HDGFL2: variants seen among roughly 807,000 people sequenced by gnomAD.
The protein encoded by HDGFL2 is hepatoma-derived growth factor-related protein 2.
Under a neutral mutation model 77.1 loss-of-function variants are expected in HDGFL2, and 36 were observed. That is an observed-to-expected ratio of 0.47 (90% CI 0.36 to 0.62). HDGFL2 has a LOEUF of 0.62. HDGFL2 is among the 20% of genes least tolerant of loss of function. The probability of loss-of-function intolerance (pLI) is 0.00; values close to 1 mark genes in which losing one functional copy is unlikely to be tolerated. For synonymous variants in HDGFL2, 463 were observed against 413.1 expected, an observed-to-expected ratio of 1.12 and a Z score of -1.46; for missense variants, 976 against 973.4, an observed-to-expected ratio of 1.00 and a Z score of -0.04.
chr19:4,493,254 CTGTGTG>C (rs1193107103), intron 6 of HDGFL2, among the ~76,000 whole-genome samples: 3 of 89,304 alleles, frequency 3.4e-5, no homozygotes, highest in Non-Finnish European at 6.5e-5. Context: ...TGTGTGTTGT[CTGTGTG>C]TGTGTGTGGT....
chr19:4,489,266 T>G (rs1975446175), intron 4 of HDGFL2, among the ~76,000 whole-genome samples: 1 of 151,258 alleles, frequency 6.6e-6, no homozygotes, highest in Non-Finnish European at 1.5e-5. Flanking sequence ...TTTCTTTTTT[T>G]TTTTTTGAGA....
intron 8 of HDGFL2, 33 bp downstream of exon 8, chr19:4,494,090 C>T (rs771555410): frequency 6.5e-6 from 10 of 1,547,320 alleles, no homozygotes; most frequent in Admixed American, 4.0e-5. Context: ...CCTCTGGCGG[C>T]TCCTCCATCG....
chr19:4,498,156 G>A, intron 11 of HDGFL2, 125 bp downstream of exon 11: 1 of 1,191,662 alleles, frequency 8.4e-7, no homozygotes, highest in Admixed American at 2.1e-5. Flanking sequence ...CGGCCGGCCT[G>A]GCCGGCGGTG....
chr19:4,488,106 G>A (rs1424213644), intron 3 of HDGFL2, among the ~76,000 whole-genome samples: 2 of 152,040 alleles, frequency 1.3e-5, no homozygotes, highest in African/African-American at 4.8e-5. Context: ...GAGTAGCTGG[G>A]ATTACAGGCG....
At chr19:4,476,899 C>T (rs1372225382) in intron 3 of HDGFL2, among the ~76,000 whole-genome samples, 1 of 151,574 alleles carries the variant, frequency 6.6e-6, no homozygotes, top group Non-Finnish European at 1.5e-5. Context: ...AGGCTGGGGG[C>T]CGGGGTTAGT....
intron 1 of HDGFL2, among the ~76,000 whole-genome samples, chr19:4,472,968 C>T (rs1002043778): frequency 6.7e-6 from 1 of 149,754 alleles, no homozygotes; most frequent in Non-Finnish European, 1.5e-5. Context: ...GAGAGACTCT[C>T]GCCCTTGGTG....
At chr19:4,500,712 C>G (rs542652348) in intron 14 of HDGFL2, among the ~76,000 whole-genome samples, 1 of 152,180 alleles carries the variant, frequency 6.6e-6, no homozygotes, top group South Asian at 2.1e-4. Flanking sequence ...CCGCCCTCCT[C>G]GGCCTCCCAA....
At chr19:4,497,842 C>A in intron 10 of HDGFL2, 116 bp from the exon 11 acceptor site, 1 of 906,214 alleles carries the variant, frequency 1.1e-6, no homozygotes, top group Non-Finnish European at 1.7e-6. Context: ...GCTTAGCTCC[C>A]AGGGCCTCCC....
chr19:4,489,152 C>G (rs2145186881), intron 4 of HDGFL2, among the ~76,000 whole-genome samples: 1 of 151,978 alleles, frequency 6.6e-6, no homozygotes, highest in East Asian at 1.9e-4. Context: ...CGGGGATTCA[C>G]CAGGTCCCCA....
chr19:4,502,184 A>G lies in HDGFL2; in HGVS notation c.*174A>G, dbSNP rs768644291. On this transcript the variant is annotated 3_prime_UTR_variant, in exon 16 of 16. Coordinates refer to ENST00000616600, the MANE Select transcript of HDGFL2 (RefSeq NM_001001520.3). ...GATTTCCAACCAACATGAAATGACT[A>G]TAAATGGTTTTTTAATGAAAAAAGA... The G allele has an allele frequency of 3.4e-4, 234 of 679,064 alleles. No homozygotes were observed. The highest frequency in any genetic ancestry group is 5.4e-4 in the Non-Finnish European group (204 of 380,966). 42.1% of individuals were successfully genotyped at this position (679,064 alleles called of 1,614,324 possible). A position where few individuals can be genotyped will look rare whatever the true frequency, so the allele number is the denominator to read the frequency against.
intron 13 of HDGFL2, 75 bp downstream of exon 13, chr19:4,498,990 C>T: frequency 9.6e-7 from 1 of 1,046,032 alleles, no homozygotes; most frequent in South Asian, 1.4e-5. Flanking sequence ...GAGCCCAGGC[C>T]CCCAGCAGGT....
intron 1 of HDGFL2, among the ~76,000 whole-genome samples, chr19:4,474,024 C>G (rs932752670): frequency 1.3e-5 from 2 of 152,020 alleles, no homozygotes; most frequent in East Asian, 3.9e-4. Flanking sequence ...TATTCCGCAC[C>G]TTGGAGTCCC....
chr19:4,480,521 T>C (rs1165571284), intron 3 of HDGFL2, among the ~76,000 whole-genome samples: 1 of 152,140 alleles, frequency 6.6e-6, no homozygotes, highest in Non-Finnish European at 1.5e-5. Flanking sequence ...GAGTTTGAGA[T>C]CAGCCTGGCC....
At chr19:4,472,766 GTGT>G (rs1974976367) in intron 1 of HDGFL2, among the ~76,000 whole-genome samples, 1 of 150,578 alleles carries the variant, frequency 6.6e-6, no homozygotes, top group South Asian at 2.1e-4. Flanking sequence ...TGGTCTGGTG[GTGT>G]TCGGATCCTG....
chr19:4,497,966 A>C lies in HDGFL2; in HGVS notation c.1337A>C (p.Lys446Thr), dbSNP rs1026048262. 1 of 1,553,624 alleles carries C rather than the reference A, an allele frequency of 6.4e-7. No individual in the cohort carries two copies. The highest frequency in any genetic ancestry group is 2.4e-5 in the East Asian group (1 of 41,244). ...GGAGCACTTCTCCACAGGCCCGTGAAGGTGGAGCGGACCCGGAAGCGGTCC... is the reference window on the plus strand; with the variant it reads ...GGAGCACTTCTCCACAGGCCCGTGACGGTGGAGCGGACCCGGAAGCGGTCC... ...PEEKQQAKPV[K>T]VERTRKRSEG... The change falls in exon 11 of 16, where the codon AAG becomes ACG. Residue 446 changes from lysine to threonine, a missense_variant. Transcript: ENST00000616600.
chr19:4,495,231 C>CA (rs1238810944), intron 9 of HDGFL2, among the ~76,000 whole-genome samples: 1 of 151,162 alleles, frequency 6.6e-6, no homozygotes, highest in Non-Finnish European at 1.5e-5. Context: ...ACTAAAAATA[C>CA]AAAAAAATTA....
At position 4,493,779 on chromosome 19, in the gene HDGFL2, G is replaced by A. The variant is rs765959186; in HGVS notation, c.755G>A (p.Arg252Gln). ...GAKPEPVAMA[R>Q]SASSSSSSSS... ...AAGCCTGAGCCGGTGGCCATGGCGC[G>A]GTCGGCGTCCTCCTCCTCCTCTTCC... Residue 252 changes from arginine to glutamine, a missense_variant, in exon 7 of 16, where the codon CGG becomes CAG. Arg to Gln is a conservative substitution (Grantham distance 43). Transcript: ENST00000616600. 21 of 1,543,664 alleles carry A rather than the reference G, an allele frequency of 1.4e-5. 1 individual carries two copies. The highest frequency in any genetic ancestry group is 1.2e-4 in the Admixed American group (6 of 50,552).
chr19:4,497,582 A>G (rs1975740478), intron 10 of HDGFL2: 1 of 331,360 alleles, frequency 3.0e-6, no homozygotes, highest in African/African-American at 2.2e-5. Flanking sequence ...CGGGGTACAG[A>G]GCAGCACATG....
intron 3 of HDGFL2, among the ~76,000 whole-genome samples, chr19:4,488,126 A>G (rs1049605033): frequency 1.3e-5 from 2 of 151,920 alleles, no homozygotes; most frequent in Non-Finnish European, 2.9e-5. Context: ...GCCCACCACC[A>G]CACCCATCTA....
Sources: gnomAD v4.1 joint callset for allele counts (sites outside exome capture counted in the v4.1 genomes callset) on GRCh38, gnomAD v4.1.1 for gene constraint, MANE v1.5 for transcripts, NCBI Gene and HGNC (gene_info 2026-07-23, HGNC 2026-07-21) for gene names.